The following NKAIN2 variants were observed in gnomAD, a reference collection of about 807,000 sequenced individuals.
NKAIN2 encodes the protein sodium/potassium-transporting ATPase subunit beta-1-interacting protein 2.
In NKAIN2, 14 loss-of-function variants were observed where a neutral mutation model predicts 32.6. The ratio of observed to expected loss-of-function variants is 0.43; its 90% CI spans 0.28 to 0.67. The LOEUF is 0.67. NKAIN2 is among the 30% of genes least tolerant of loss of function. The pLI, the probability that NKAIN2 is intolerant of heterozygous loss-of-function variation, is 0.17. For synonymous variants in NKAIN2, 80 were observed against 87.2 expected (o/e 0.92, Z 0.46); for missense variants, 198 against 258.3 (o/e 0.77, Z 1.60).
intron 1 of NKAIN2, among the ~76,000 whole-genome samples, chr6:123,918,901 A>G (rs2114484031): frequency 6.6e-6 from 1 of 152,284 alleles, no homozygotes; most frequent in South Asian, 2.1e-4. Flanking sequence ...CTCTAAGTAA[A>G]TACATTTGCA....
chr6:123,868,517 C>T (rs1157606979), intron 1 of NKAIN2, among the ~76,000 whole-genome samples: 1 of 152,048 alleles, frequency 6.6e-6, no homozygotes, highest in Admixed American at 6.6e-5. Context: ...TCCTGACTAC[C>T]AATAAGATAT....
At chr6:124,176,255 C>T (rs1050812439) in intron 1 of NKAIN2, among the ~76,000 whole-genome samples, 3 of 152,110 alleles carry the variant, frequency 2.0e-5, no homozygotes, top group Admixed American at 6.5e-5. Flanking sequence ...TAAGCTTTCT[C>T]AACTCATGGT....
chr6:124,290,803 A>G (rs572551887), intron 2 of NKAIN2, among the ~76,000 whole-genome samples: 3 of 151,884 alleles, frequency 2.0e-5, no homozygotes, highest in East Asian at 1.9e-4. Flanking sequence ...AATTCTTGAA[A>G]TCCACTGCTT....
At chr6:124,575,725 G>T (rs944461763) in intron 3 of NKAIN2, among the ~76,000 whole-genome samples, 2 of 152,002 alleles carry the variant, frequency 1.3e-5, no homozygotes, top group Non-Finnish European at 2.9e-5. Flanking sequence ...TTTTTTCATG[G>T]ACTCAAGAAA....
At chr6:124,466,870 C>CTTTCCAGGT (rs1297900585) in intron 3 of NKAIN2, among the ~76,000 whole-genome samples, 3 of 151,858 alleles carry the variant, frequency 2.0e-5, no homozygotes, top group Non-Finnish European at 4.4e-5. Context: ...AATTATGAAA[C>CTTTCCAGGT]TTTCCAGGTA....
chr6:124,484,968 C>A (rs1295942858), intron 3 of NKAIN2, among the ~76,000 whole-genome samples: 1 of 152,048 alleles, frequency 6.6e-6, no homozygotes, highest in Non-Finnish European at 1.5e-5. Flanking sequence ...AAAAAGAGCC[C>A]CTTCTGAGTG....
intron 3 of NKAIN2, among the ~76,000 whole-genome samples, chr6:124,398,369 A>T (rs575874231): frequency 1.3e-5 from 2 of 151,534 alleles, no homozygotes; most frequent in Admixed American, 1.3e-4. Context: ...GGCTGAGACG[A>T]TGGCAGGATT....
At chr6:124,467,732 C>T (rs1776818577) in intron 3 of NKAIN2, among the ~76,000 whole-genome samples, 1 of 152,028 alleles carries the variant, frequency 6.6e-6, no homozygotes. Flanking sequence ...ATATCCTTAA[C>T]ATCTGGTACA....
chr6:124,274,489 A>G (rs936971327), intron 1 of NKAIN2, among the ~76,000 whole-genome samples: 1 of 152,158 alleles, frequency 6.6e-6, no homozygotes, highest in Non-Finnish European at 1.5e-5. Context: ...TGTGAAAACA[A>G]TACCATAAGG....
At chr6:124,343,250 T>A (rs910827551) in intron 2 of NKAIN2, among the ~76,000 whole-genome samples, 2 of 152,100 alleles carry the variant, frequency 1.3e-5, no homozygotes, top group Non-Finnish European at 2.9e-5. Flanking sequence ...TTTGGGTTGG[T>A]TCCAAGTCTT....
chr6:124,434,429 T>A (rs1479796820), intron 3 of NKAIN2, among the ~76,000 whole-genome samples: 1 of 152,164 alleles, frequency 6.6e-6, no homozygotes, highest in East Asian at 1.9e-4. Flanking sequence ...GTATTCAAAA[T>A]CATCTGTAGA....
intron 3 of NKAIN2, among the ~76,000 whole-genome samples, chr6:124,559,597 G>T (rs138079254): frequency 6.6e-6 from 1 of 152,202 alleles, no homozygotes; most frequent in Non-Finnish European, 1.5e-5. Flanking sequence ...GTTAAGTTGG[G>T]CAATGTGATT....
At chr6:124,102,534 G>A (rs1784937565) in intron 1 of NKAIN2, among the ~76,000 whole-genome samples, 1 of 152,158 alleles carries the variant, frequency 6.6e-6, no homozygotes, top group African/African-American at 2.4e-5. Context: ...TGCGATAACA[G>A]TACAAGGCAT....
At chr6:124,603,702 T>C (rs1352595607) in intron 3 of NKAIN2, among the ~76,000 whole-genome samples, 1 of 151,942 alleles carries the variant, frequency 6.6e-6, no homozygotes, top group Non-Finnish European at 1.5e-5. Flanking sequence ...TATAATTTAT[T>C]ACCCAAACTG....
At chr6:123,994,545 A>G (rs1377503923) in intron 1 of NKAIN2, among the ~76,000 whole-genome samples, 1 of 152,058 alleles carries the variant, frequency 6.6e-6, no homozygotes, top group East Asian at 1.9e-4. Context: ...GGGAGTTAGA[A>G]GTCTCTCCCC....
Position 124,136,272 on chromosome 6 carries a change from G to A in NKAIN2, c.55-146733G>A, listed in dbSNP as rs1199151778. Among the ~76,000 whole-genome samples, 4 of 152,122 alleles carry A rather than the reference G, an allele frequency of 2.6e-5. No homozygotes were observed. In the East Asian group the frequency reaches 7.7e-4, roughly 29 times the overall value. On this transcript the variant is annotated intron_variant, in intron 1 of 6. Transcript: ENST00000368417. ...TTACATGCACAATCTTGAGGAGATG[G>A]ATAAGTTCCTGGAAATATACAACCC... is the stretch of plus-strand genomic sequence containing the variant.
intron 2 of NKAIN2, among the ~76,000 whole-genome samples, chr6:124,342,373 C>CA (rs1326156416): frequency 6.8e-6 from 1 of 146,656 alleles, no homozygotes; most frequent in African/African-American, 2.6e-5. Flanking sequence ...TGCCCCACTG[C>CA]ACTCCAGTCT....
intron 4 of NKAIN2, among the ~76,000 whole-genome samples, chr6:124,784,972 G>C (rs1356805386): frequency 3.9e-5 from 6 of 152,046 alleles, no homozygotes; most frequent in African/African-American, 7.2e-5. Flanking sequence ...GTAAGTTTGT[G>C]TCCTTTGCCA....
At chr6:124,296,715 G>A (rs1796070665) in intron 2 of NKAIN2, among the ~76,000 whole-genome samples, 1 of 152,088 alleles carries the variant, frequency 6.6e-6, no homozygotes, top group Admixed American at 6.6e-5. Flanking sequence ...TAAGTTATGG[G>A]GCAGTGAAGT....
Sources: allele counts gnomAD v4.1 joint callset (sites outside exome capture counted in the v4.1 genomes callset), GRCh38; gene constraint gnomAD v4.1.1; transcripts MANE v1.5; gene names NCBI Gene and HGNC (gene_info 2026-07-23, HGNC 2026-07-21).